The following FBLN5 variants were observed in gnomAD, a reference collection of about 807,000 sequenced individuals.
FBLN5 encodes fibulin 5.
In FBLN5, 24 loss-of-function variants were observed where a neutral mutation model predicts 61.6. That is an observed-to-expected ratio of 0.39 (90% confidence interval 0.28 to 0.55). FBLN5 has a LOEUF of 0.55. FBLN5 is among the 20% of genes least tolerant of loss of function. The pLI is 0.65. For missense variants in FBLN5, 470 were observed against 594.1 expected (o/e 0.79, Z 2.17); for synonymous variants, 213 against 219.8 (o/e 0.97, Z 0.27).
At chr14:91,871,669 T>C (rs1282035693) in intron 10 of FBLN5, among the ~76,000 whole-genome samples, 1 of 152,124 alleles carries the variant, frequency 6.6e-6, no homozygotes, top group South Asian at 2.1e-4. Flanking sequence ...CCAGCCTGGC[T>C]GATATGGTGA....
intron 4 of FBLN5, among the ~76,000 whole-genome samples, chr14:91,917,148 C>T (rs2430367): frequency 0.19 from 28,505 of 152,118 alleles, 2,979 homozygotes; most frequent in Admixed American, 0.31. Flanking sequence ...AGAGATCCTG[C>T]CCTGAGAATG....
At chr14:91,902,635 A>G (rs1890507671) in intron 4 of FBLN5, among the ~76,000 whole-genome samples, 1 of 152,174 alleles carries the variant, frequency 6.6e-6, no homozygotes. Context: ...GTTAAAATGT[A>G]GATTCTAATT....
At chr14:91,912,071 A>G (rs1890970520) in intron 4 of FBLN5, among the ~76,000 whole-genome samples, 1 of 152,278 alleles carries the variant, frequency 6.6e-6, no homozygotes, top group African/African-American at 2.4e-5. Flanking sequence ...ACATTGTTAT[A>G]AATGTTGTTG....
intron 4 of FBLN5, among the ~76,000 whole-genome samples, chr14:91,916,688 G>C (rs997263954): frequency 6.6e-6 from 1 of 152,134 alleles, no homozygotes; most frequent in African/African-American, 2.4e-5. Context: ...GTGTATGACT[G>C]AGATAGTGCA....
Position 91,891,231 on chromosome 14 carries a change from C to T in FBLN5, c.609G>A (p.Arg203=), listed in dbSNP as rs1488926358. ...ATGCACGTCACATACCTTGGCAAGA[C>T]CTTCCATCCTCATTGAGGGTAAAAC... ...NPGFTLNEDG[R]SCQDVNECAT... Residue 203 remains arginine (R), a synonymous_variant, in exon 6 of 11, where the codon AGG becomes AGA. Coordinates refer to ENST00000342058, the MANE Select transcript of FBLN5 (RefSeq NM_006329.4). 2.5e-6 allele frequency: 4 copies of T among 1,600,270 alleles called. No individual in the cohort carries two copies. Among genetic ancestry groups the T allele is most frequent in the Non-Finnish European group, 3.4e-6 (4 of 1,167,434 alleles).
chr14:91,897,078 T>G (rs1025255912), intron 4 of FBLN5, among the ~76,000 whole-genome samples: 1 of 152,008 alleles, frequency 6.6e-6, no homozygotes, highest in African/African-American at 2.4e-5. Context: ...ATGACAGCTG[T>G]CTGGGAATCC....
At chr14:91,898,796 CTTTTTTTTTTTTT>C (rs35840279) in intron 4 of FBLN5, among the ~76,000 whole-genome samples, 1 of 84,242 alleles carries the variant, frequency 1.2e-5, no homozygotes, top group Admixed American at 1.5e-4. Flanking sequence ...TTCATTCATT[CTTTTTTTTTTTTT>C]TTTTTTTTTT....
At chr14:91,940,454 T>C in intron 3 of FBLN5, 111 bp downstream of exon 3, 1 of 912,580 alleles carries the variant, frequency 1.1e-6, no homozygotes, top group Non-Finnish European at 1.8e-6. Context: ...TCCATGTCAC[T>C]GTATTCTCCC....
At chr14:91,914,274 G>A (rs552051964) in intron 4 of FBLN5, among the ~76,000 whole-genome samples, 10 of 152,092 alleles carry the variant, frequency 6.6e-5, no homozygotes, top group Middle Eastern at 3.4e-3. Flanking sequence ...TCAGGAGATC[G>A]AGACCATCCT....
In FBLN5 at chr14:91,907,016, CT is replaced by C. The variant is rs1422958517; in HGVS notation, c.380-11945del. ...TGGGGGCACTCCCAGGTGAAACAGC[CT>C]TCCTGGAGTAGAAGACACCACATGG... On this transcript the variant is annotated intron_variant, in intron 4 of 10. Coordinates refer to ENST00000342058, the MANE Select transcript of FBLN5 (RefSeq NM_006329.4). 2.6e-5 allele frequency among the ~76,000 whole-genome samples: 4 copies of C among 152,194 alleles called. No individual in the cohort carries two copies. The East Asian group carries it at 5.8e-4, about 22-fold the overall frequency.
In FBLN5 at chr14:91,870,213, C is replaced by A; in HGVS notation, c.*11G>T. 6.2e-7 allele frequency: 1 copy of A among 1,613,862 alleles called. No individual in the cohort carries two copies. The highest frequency in any genetic ancestry group is 1.1e-5 in the South Asian group (1 of 91,080). On this transcript the variant is annotated 3_prime_UTR_variant, in exon 11 of 11. Transcript: ENST00000342058. ...CAATGAGAGGCAGCGTCGGAGGCTC[C>A]AGCCCGAGGCTCAGAATGGGTACTG... is the stretch of plus-strand genomic sequence containing the variant.
chr14:91,885,194 C>T (rs1277111503), intron 7 of FBLN5, among the ~76,000 whole-genome samples: 1 of 152,212 alleles, frequency 6.6e-6, no homozygotes, highest in Non-Finnish European at 1.5e-5. Context: ...AGAAAGCCTA[C>T]ATATCCCGGG....
intron 3 of FBLN5, among the ~76,000 whole-genome samples, chr14:91,939,179 C>T (rs1274596287): frequency 6.6e-6 from 1 of 152,060 alleles, no homozygotes; most frequent in Admixed American, 6.5e-5. Flanking sequence ...TGTCTTCTTC[C>T]GTTCATATGC....
chr14:91,885,473 C>A (rs912949019), intron 7 of FBLN5, among the ~76,000 whole-genome samples: 1 of 152,118 alleles, frequency 6.6e-6, no homozygotes, highest in African/African-American at 2.4e-5. Context: ...CTCAGTGGCC[C>A]GCCTACCTTG....
rs139737360 is a variant in FBLN5 at position 91,926,044 on chromosome 14, C to T, written c.379+10903G>A. 6.7e-3 allele frequency among the ~76,000 whole-genome samples: 1,028 copies of T among 152,312 alleles called. 9 individuals are homozygous for T. The highest frequency in any genetic ancestry group is 0.034 in the South Asian group (165 of 4,826). ...TGCCCGCACTCTTCCTTCCGCCATT[C>T]ATTCATTCAAAAATCACTCCACGAG... On this transcript the variant is annotated intron_variant, in intron 4 of 10. Coordinates refer to ENST00000342058, the MANE Select transcript of FBLN5 (RefSeq NM_006329.4).
chr14:91,939,897 T>G (rs1484219016), intron 3 of FBLN5: 2 of 452,596 alleles, frequency 4.4e-6, no homozygotes, highest in South Asian at 1.6e-5. Context: ...GCCCGATATA[T>G]TCACAGGAGT....
chr14:91,921,534 C>A lies in FBLN5; in HGVS notation c.379+15413G>T, dbSNP rs139185271. Reference sequence around the variant, plus strand: ...GCAGCCCCCGGGCCAGCAGCGTCAGCATCACTCAGAAGAAAAGACCCCACC... The same window carrying A: ...GCAGCCCCCGGGCCAGCAGCGTCAGAATCACTCAGAAGAAAAGACCCCACC... On this transcript the variant is annotated intron_variant, in intron 4 of 10. Transcript: ENST00000342058. Among the ~76,000 whole-genome samples, 189 of 152,306 alleles carry A rather than the reference C, an allele frequency of 1.2e-3. 3 individuals are homozygous for A. Among genetic ancestry groups the A allele is most frequent in the Admixed American group, 2.0e-3 (31 of 15,300 alleles).
chr14:91,873,303 A>T (rs917907), intron 10 of FBLN5, among the ~76,000 whole-genome samples: 28,690 of 152,232 alleles, frequency 0.19, 3,040 homozygotes, highest in Non-Finnish European at 0.25. Flanking sequence ...GGTGGTGGTT[A>T]TGATGCCAGG....
At chr14:91,906,106 C>T (rs1373694745) in intron 4 of FBLN5, among the ~76,000 whole-genome samples, 11 of 152,120 alleles carry the variant, frequency 7.2e-5, no homozygotes, top group African/African-American at 2.7e-4. Flanking sequence ...AGGCTGGTCT[C>T]GAACTCCCAA....
Sources: allele counts gnomAD v4.1 joint callset (sites outside exome capture counted in the v4.1 genomes callset), GRCh38; gene constraint gnomAD v4.1.1; transcripts MANE v1.5; gene names NCBI Gene and HGNC (gene_info 2026-07-23, HGNC 2026-07-21).